Variants in EPHA6 observed in about 807,000 individuals in gnomAD.
EPHA6 encodes ephrin type-A receptor 6.
Under a neutral mutation model 112.0 loss-of-function variants are expected in EPHA6, and 50 were observed. That is an observed-to-expected ratio of 0.45 (90% CI 0.36 to 0.56). The LOEUF (loss-of-function observed/expected upper bound fraction) is 0.56. Ranked by LOEUF, EPHA6 falls within the 20% of genes least tolerant of loss-of-function variation. The pLI, the probability that EPHA6 is intolerant of heterozygous loss-of-function variation, is 0.00. For missense variants in EPHA6, 1,280 were observed against 1,417.4 expected (o/e 0.90, Z 1.56); for synonymous variants, 529 against 490.7 (o/e 1.08, Z -1.03).
chr3:96,951,811 G>A (rs2107722381), intron 2 of EPHA6, among the ~76,000 whole-genome samples: 1 of 152,126 alleles, frequency 6.6e-6, no homozygotes, highest in East Asian at 1.9e-4. Flanking sequence ...ATACACTATA[G>A]AGTATGTTAT....
At chr3:96,997,007 A>G (rs1310809316) in intron 3 of EPHA6, among the ~76,000 whole-genome samples, 7 of 152,080 alleles carry the variant, frequency 4.6e-5, no homozygotes, top group Non-Finnish European at 8.8e-5. Flanking sequence ...CAGCTTCTAC[A>G]TCATCAGCAC....
intron 5 of EPHA6, among the ~76,000 whole-genome samples, chr3:97,386,407 C>T (rs2086071808): frequency 6.6e-6 from 1 of 152,176 alleles, no homozygotes; most frequent in Admixed American, 6.5e-5. Flanking sequence ...TTAGCCAAAA[C>T]AAAGGGGCTA....
At chr3:97,328,595 A>G (rs1330083295) in intron 5 of EPHA6, among the ~76,000 whole-genome samples, 4 of 151,942 alleles carry the variant, frequency 2.6e-5, no homozygotes, top group Admixed American at 6.6e-5. Flanking sequence ...TAATCTAAGT[A>G]CTACTCGTTT....
intron 2 of EPHA6, among the ~76,000 whole-genome samples, chr3:96,956,601 G>A (rs914408158): frequency 6.6e-6 from 1 of 152,134 alleles, no homozygotes; most frequent in Admixed American, 6.5e-5. Context: ...TGTCAAGCTA[G>A]GAGAGACATT....
At chr3:97,561,133 C>A (rs2093184860) in intron 11 of EPHA6, among the ~76,000 whole-genome samples, 1 of 151,888 alleles carries the variant, frequency 6.6e-6, no homozygotes, top group Admixed American at 6.6e-5. Flanking sequence ...CCCTAAGGCA[C>A]AATAAGATTG....
chr3:96,863,914 C>A (rs2036151603), intron 1 of EPHA6, among the ~76,000 whole-genome samples: 1 of 151,918 alleles, frequency 6.6e-6, no homozygotes, highest in African/African-American at 2.4e-5. Context: ...GAATTTTCTG[C>A]AGAAATCTTT....
chr3:97,311,785 A>T (rs2081575215), intron 5 of EPHA6, among the ~76,000 whole-genome samples: 1 of 122,506 alleles, frequency 8.2e-6, no homozygotes, highest in Non-Finnish European at 1.5e-5. Flanking sequence ...ACAATTTTTT[A>T]TTTGTCTTAG....
At chr3:97,545,451 C>A (rs1034832420) in intron 11 of EPHA6, among the ~76,000 whole-genome samples, 3 of 152,098 alleles carry the variant, frequency 2.0e-5, no homozygotes, top group East Asian at 1.9e-4. Context: ...AATTTCTATT[C>A]TTTTACATTT....
intron 5 of EPHA6, among the ~76,000 whole-genome samples, chr3:97,312,199 C>T (rs1301493938): frequency 2.0e-5 from 3 of 151,256 alleles, no homozygotes; most frequent in East Asian, 1.9e-4. Flanking sequence ...TATTTTTTCC[C>T]GTGTACACAA....
chr3:97,005,662 G>C (rs2043849728), intron 3 of EPHA6, among the ~76,000 whole-genome samples: 2 of 152,060 alleles, frequency 1.3e-5, no homozygotes, highest in Admixed American at 1.3e-4. Flanking sequence ...TGTTGAATAG[G>C]CGTGGTAAGA....
At chr3:97,399,484 C>A (rs983145429) in intron 5 of EPHA6, among the ~76,000 whole-genome samples, 5 of 151,368 alleles carry the variant, frequency 3.3e-5, no homozygotes, top group Non-Finnish European at 5.9e-5. Context: ...TATGGTAGTT[C>A]TATTTTTAGT....
At chr3:97,165,986 G>T (rs1431720443) in intron 3 of EPHA6, among the ~76,000 whole-genome samples, 2 of 152,062 alleles carry the variant, frequency 1.3e-5, no homozygotes, top group African/African-American at 4.8e-5. Flanking sequence ...AGATTTCTGT[G>T]TACCTATGAA....
At chr3:97,294,957 T>TGGG (rs369227620) in intron 5 of EPHA6, among the ~76,000 whole-genome samples, 3 of 152,102 alleles carry the variant, frequency 2.0e-5, no homozygotes, top group Admixed American at 2.0e-4. Flanking sequence ...GTTAGTCTGA[T>TGGG]GGGGGGGTTC....
chr3:97,553,382 A>C (rs1045579857), intron 11 of EPHA6, among the ~76,000 whole-genome samples: 8 of 152,034 alleles, frequency 5.3e-5, no homozygotes, highest in African/African-American at 1.9e-4. Flanking sequence ...AGCCCTCCCC[A>C]ACCCCAGATA....
intron 14 of EPHA6, among the ~76,000 whole-genome samples, chr3:97,652,273 T>C (rs1414306233): frequency 6.6e-6 from 1 of 152,072 alleles, no homozygotes; most frequent in Non-Finnish European, 1.5e-5. Flanking sequence ...TGGGAAAGCT[T>C]ACTTATTCCC....
At chr3:97,592,895 A>C (rs1212069992) in intron 12 of EPHA6, among the ~76,000 whole-genome samples, 158 bp downstream of exon 12, 1 of 152,214 alleles carries the variant, frequency 6.6e-6, no homozygotes, top group Non-Finnish European at 1.5e-5. Flanking sequence ...TATAATACTG[A>C]ATGCTGTCAA....
chr3:97,572,189 C>A (rs1171258796), intron 11 of EPHA6, among the ~76,000 whole-genome samples: 2 of 131,226 alleles, frequency 1.5e-5, no homozygotes, highest in Non-Finnish European at 3.1e-5. Context: ...CTCGCTCTGT[C>A]GCCCAGGCTG....
chr3:96,978,009 A>C (rs1227610916), intron 2 of EPHA6, among the ~76,000 whole-genome samples: 1 of 151,930 alleles, frequency 6.6e-6, no homozygotes, highest in Non-Finnish European at 1.5e-5. Flanking sequence ...AAATACAAAA[A>C]ATTAGCTGGG....
intron 3 of EPHA6, among the ~76,000 whole-genome samples, chr3:97,042,814 G>A (rs1339421978): frequency 2.0e-5 from 3 of 152,102 alleles, no homozygotes; most frequent in Non-Finnish European, 4.4e-5. Flanking sequence ...ACTGCCCCAT[G>A]TATAAACAGT....
Sources: allele counts gnomAD v4.1 joint callset (sites outside exome capture counted in the v4.1 genomes callset), GRCh38; gene constraint gnomAD v4.1.1; transcripts MANE v1.5; gene names NCBI Gene and HGNC (gene_info 2026-07-23, HGNC 2026-07-21).